Variants in KLRG1 observed in about 807,000 individuals in gnomAD.
KLRG1 encodes the protein killer cell lectin like receptor G1.
KLRG1 carries 16 observed loss-of-function variants against 21.8 expected under a neutral mutation model. That is an observed-to-expected ratio of 0.73 (90% CI 0.50 to 1.11). The LOEUF is 1.11. Ranked by LOEUF, KLRG1 falls within the 50% of genes most tolerant of loss-of-function variation. The pLI, the probability that KLRG1 is intolerant of heterozygous loss-of-function variation, is 0.00. For synonymous variants in KLRG1, 69 were observed against 75.9 expected, an observed-to-expected ratio of 0.91 and a Z score of 0.47; for missense variants, 173 against 218.3, an observed-to-expected ratio of 0.79 and a Z score of 1.31.
At chr12:9,203,840 A>G in the KLRG1 span, 3 of 1,614,142 alleles carry the variant, frequency 1.9e-6, no homozygotes, top group South Asian at 2.2e-5. Flanking sequence ...TTTCCCTGCC[A>G]GACTCCAAGG....
the KLRG1 span, among the ~76,000 whole-genome samples, chr12:9,085,256 C>G: frequency 6.6e-6 from 1 of 152,018 alleles, no homozygotes; most frequent in Non-Finnish European, 1.5e-5. Flanking sequence ...TTTTAGCCCA[C>G]AAAACAAGTC....
At chr12:9,156,262 T>C in the KLRG1 span, 1 of 208,792 alleles carries the variant, frequency 4.8e-6, no homozygotes, top group South Asian at 9.5e-5. Context: ...TACCTTCGCT[T>C]TGGGAAACTT....
chr12:9,106,415 C>A, the KLRG1 span: 1 of 1,431,834 alleles, frequency 7.0e-7, no homozygotes, highest in Non-Finnish European at 9.8e-7. Flanking sequence ...CACCTCCCCC[C>A]AACTTACAAT....
chr12:8,999,109 T>G (rs759294175), intron 3 of KLRG1, among the ~76,000 whole-genome samples: 3 of 152,116 alleles, frequency 2.0e-5, no homozygotes, highest in Non-Finnish European at 2.9e-5. Flanking sequence ...ATTAAATTTC[T>G]CTGTTATTTT....
At chr12:9,203,337 CTTTTTTT>C in the KLRG1 span, among the ~76,000 whole-genome samples, 2,445 of 114,576 alleles carry the variant, frequency 0.021, 69 homozygotes, top group African/African-American at 0.068. Flanking sequence ...AACTACATTC[CTTTTTTT>C]TTTTTTTTTT....
the KLRG1 span, chr12:9,106,409 TC>T: frequency 2.1e-6 from 3 of 1,434,686 alleles, no homozygotes; most frequent in Non-Finnish European, 2.9e-6. Context: ...TTCTATCACC[TC>T]CCCCCAACTT....
At chr12:9,173,089 T>G in the KLRG1 span, among the ~76,000 whole-genome samples, 3 of 152,222 alleles carry the variant, frequency 2.0e-5, no homozygotes, top group East Asian at 5.8e-4. Flanking sequence ...AAAACACTCC[T>G]CAGCAAATGC....
chr12:9,207,236 G>T, the KLRG1 span, among the ~76,000 whole-genome samples: 77 of 152,280 alleles, frequency 5.1e-4, no homozygotes, highest in South Asian at 2.5e-3. Context: ...GTATCAGTCT[G>T]GAATACAGGA....
At chr12:9,149,093 T>C in the KLRG1 span, 4 of 1,058,544 alleles carry the variant, frequency 3.8e-6, no homozygotes, top group Non-Finnish European at 5.9e-6. Flanking sequence ...GTCAGGAAAC[T>C]TTGTGAAAGG....
chr12:8,954,915 CT>C (rs983184950), intron 1 of KLRG1, among the ~76,000 whole-genome samples: 8 of 151,570 alleles, frequency 5.3e-5, no homozygotes, highest in African/African-American at 1.2e-4. Context: ...ATGTACAACT[CT>C]TTTTTTTCTT....
chr12:9,157,384 A>G, the KLRG1 span: 1 of 1,596,696 alleles, frequency 6.3e-7, no homozygotes, highest in Non-Finnish European at 8.5e-7. Flanking sequence ...GTTGTGTCAA[A>G]CTAGGGTGAA....
chr12:9,055,848 T>C, the KLRG1 span: 4 of 152,558 alleles, frequency 2.6e-5, no homozygotes, highest in Non-Finnish European at 5.9e-5. Context: ...GAGACCAAAC[T>C]GGTTATGGCT....
chr12:9,107,745 G>A, the KLRG1 span: 2 of 1,380,056 alleles, frequency 1.4e-6, no homozygotes, highest in Non-Finnish European at 2.0e-6. Context: ...TTCCCTGTCT[G>A]TACTTCCCTC....
the KLRG1 span, chr12:9,089,319 G>T: frequency 9.0e-7 from 1 of 1,111,602 alleles, no homozygotes; most frequent in Non-Finnish European, 1.3e-6. Context: ...TTAATGGAGG[G>T]ACCACAGATA....
At chr12:9,002,318 T>G (rs1947329261) in intron 3 of KLRG1, among the ~76,000 whole-genome samples, 1 of 152,130 alleles carries the variant, frequency 6.6e-6, no homozygotes, top group African/African-American at 2.4e-5. Context: ...TAATTTCAAT[T>G]AAAAATACTA....
At chr12:9,208,741 A>C in the KLRG1 span, among the ~76,000 whole-genome samples, 1 of 152,220 alleles carries the variant, frequency 6.6e-6, no homozygotes, top group Non-Finnish European at 1.5e-5. Context: ...CATGCATTGC[A>C]GATTCATTTC....
the KLRG1 span, chr12:9,203,816 G>A: frequency 1.2e-6 from 2 of 1,614,040 alleles, no homozygotes; most frequent in African/African-American, 2.7e-5. Flanking sequence ...CCAGGTCAGT[G>A]AAGAGGCTCC....
the KLRG1 span, among the ~76,000 whole-genome samples, chr12:9,141,241 T>C: frequency 6.6e-6 from 1 of 152,198 alleles, no homozygotes; most frequent in African/African-American, 2.4e-5. Context: ...ATAACATATG[T>C]ATGCAAATAT....
chr12:9,212,111 GC>G, the KLRG1 span, among the ~76,000 whole-genome samples: 1 of 152,216 alleles, frequency 6.6e-6, no homozygotes, highest in African/African-American at 2.4e-5. Context: ...GGTCCAGATT[GC>G]AGCTGAGAGA....
Sources: allele counts gnomAD v4.1 joint callset (sites outside exome capture counted in the v4.1 genomes callset), GRCh38; gene constraint gnomAD v4.1.1; transcripts MANE v1.5; gene names NCBI Gene and HGNC (gene_info 2026-07-23, HGNC 2026-07-21).